Variants in NCALD observed in about 807,000 individuals in gnomAD.
NCALD encodes the protein neurocalcin-delta.
A neutral mutation model predicts 18.6 loss-of-function variants in NCALD; 10 were observed. That is an observed-to-expected ratio of 0.54 (90% CI 0.33 to 0.91). The LOEUF (loss-of-function observed/expected upper bound fraction) is 0.91, where lower values mean the gene tolerates loss of function less well. Ranked by LOEUF, NCALD falls within the 40% of genes least tolerant of loss-of-function variation. The pLI, the probability that NCALD is intolerant of heterozygous loss-of-function variation, is 0.03. For synonymous variants in NCALD, 88 were observed against 87.4 expected, an observed-to-expected ratio of 1.01 and a Z score of -0.04; for missense variants, 184 against 247.6, an observed-to-expected ratio of 0.74 and a Z score of 1.72.
At chr8:101,974,440 C>T (rs1435172138) in intron 2 of NCALD, among the ~76,000 whole-genome samples, 1 of 152,070 alleles carries the variant, frequency 6.6e-6, no homozygotes, top group Non-Finnish European at 1.5e-5. Flanking sequence ...CTGGAGCCAC[C>T]CCATGTGACA....
chr8:102,088,576 C>T (rs1460564889), intron 1 of NCALD, among the ~76,000 whole-genome samples: 2 of 151,434 alleles, frequency 1.3e-5, no homozygotes, highest in Admixed American at 6.6e-5. Context: ...AAAAGAACAA[C>T]CTCTGTTTTC....
At chr8:101,879,326 T>A (rs1333344480) in intron 4 of NCALD, among the ~76,000 whole-genome samples, 1 of 152,168 alleles carries the variant, frequency 6.6e-6, no homozygotes, top group African/African-American at 2.4e-5. Flanking sequence ...TCTGCTGGGT[T>A]CGTGGTCTCA....
chr8:101,946,878 C>T (rs998223056), intron 2 of NCALD, among the ~76,000 whole-genome samples: 3 of 149,550 alleles, frequency 2.0e-5, no homozygotes, highest in Admixed American at 2.0e-4. Context: ...AATTAATGAC[C>T]CAAATAATAG....
At chr8:101,788,778 C>G in intron 1 of NCALD, 1 of 152,188 alleles carries the variant, frequency 6.6e-6, no homozygotes, top group East Asian at 1.9e-4. Context: ...TTCTAGAGTA[C>G]CTCGTTCCTT....
At chr8:101,979,062 C>T (rs1820523967) in intron 2 of NCALD, among the ~76,000 whole-genome samples, 1 of 152,082 alleles carries the variant, frequency 6.6e-6, no homozygotes, top group Non-Finnish European at 1.5e-5. Flanking sequence ...AGCCCACATA[C>T]AAACAGGCAA....
At chr8:101,914,967 C>A (rs1299525865) in intron 3 of NCALD, among the ~76,000 whole-genome samples, 1 of 152,170 alleles carries the variant, frequency 6.6e-6, no homozygotes, top group African/African-American at 2.4e-5. Context: ...AATATGGGAT[C>A]TTGGAATGTC....
chr8:101,927,736 C>CTTGTGGA (rs1645672933), intron 2 of NCALD, among the ~76,000 whole-genome samples: 1 of 152,136 alleles, frequency 6.6e-6, no homozygotes, highest in Non-Finnish European at 1.5e-5. Context: ...TGTGTCTACC[C>CTTGTGGA]AGTGTCCTGT....
chr8:101,937,272 G>A (rs1367888628), intron 2 of NCALD, among the ~76,000 whole-genome samples: 4 of 152,106 alleles, frequency 2.6e-5, no homozygotes, highest in Non-Finnish European at 5.9e-5. Flanking sequence ...TTGTTGTATA[G>A]ATTATTTCAT....
intron 3 of NCALD, among the ~76,000 whole-genome samples, chr8:101,910,234 C>G (rs1298126236): frequency 6.6e-6 from 1 of 152,060 alleles, no homozygotes; most frequent in Non-Finnish European, 1.5e-5. Context: ...TTTGCTGGCC[C>G]CATCTCTGTG....
At chr8:101,762,741 T>C (rs1811167574) in intron 1 of NCALD, among the ~76,000 whole-genome samples, 1 of 152,006 alleles carries the variant, frequency 6.6e-6, no homozygotes, top group Admixed American at 6.6e-5. Context: ...GCCTGGCTAA[T>C]TTTTGTATTT....
At chr8:101,934,317 G>A (rs1170743967) in intron 2 of NCALD, among the ~76,000 whole-genome samples, 1 of 152,104 alleles carries the variant, frequency 6.6e-6, no homozygotes. Flanking sequence ...AGCTAAATGG[G>A]TTTTGAAAAA....
intron 1 of NCALD, among the ~76,000 whole-genome samples, chr8:102,079,029 G>A (rs1456010495): frequency 6.6e-6 from 1 of 152,194 alleles, no homozygotes; most frequent in Admixed American, 6.5e-5. Flanking sequence ...AGTGGAAGAA[G>A]CTGGCTGAGA....
rs951239666 is a variant in NCALD at position 101,804,795 on chromosome 8, T to G, written c.-20+82346A>C. On this transcript the variant is annotated intron_variant, in intron 4 of 6. Coordinates refer to the NCALD transcript ENST00000311028. ...GTATAGTATAAACATAACTTTTATA[T>G]GTACCGAGAAACCAAAACATTTGTG... is the stretch of plus-strand genomic sequence containing the variant. Among the ~76,000 whole-genome samples, 11 of 151,020 alleles carry G rather than the reference T, an allele frequency of 7.3e-5. No homozygotes were observed. The Admixed American group carries it at 7.3e-4, about 10-fold the overall frequency.
intron 1 of NCALD, among the ~76,000 whole-genome samples, chr8:101,721,663 A>C (rs1245749761): frequency 1.3e-5 from 2 of 152,030 alleles, no homozygotes; most frequent in Admixed American, 6.6e-5. Context: ...CATAATACTC[A>C]TGGTTCAGAT....
chr8:102,047,447 G>T (rs976120173), intron 1 of NCALD, among the ~76,000 whole-genome samples: 4 of 152,146 alleles, frequency 2.6e-5, no homozygotes, highest in Non-Finnish European at 5.9e-5. Context: ...TATTTTCACC[G>T]CCTGGTATGG....
At chr8:101,795,983 CAGAA>C (rs1014030299) in intron 4 of NCALD, among the ~76,000 whole-genome samples, 13 of 152,258 alleles carry the variant, frequency 8.5e-5, no homozygotes, top group Admixed American at 3.9e-4. Flanking sequence ...GAGGCTAAAA[CAGAA>C]AGGCAGAGTT....
At chr8:101,902,233 CCT>C (rs1392019870) in intron 3 of NCALD, among the ~76,000 whole-genome samples, 6 of 149,332 alleles carry the variant, frequency 4.0e-5, no homozygotes, top group African/African-American at 1.5e-4. Context: ...CTGATTCTTT[CCT>C]CTGTCCACTC....
chr8:102,075,006 T>C (rs548411281), intron 1 of NCALD, among the ~76,000 whole-genome samples: 7 of 152,232 alleles, frequency 4.6e-5, no homozygotes, highest in African/African-American at 1.7e-4. Context: ...CACAGCTGCA[T>C]CCCAGGCAAA....
intron 4 of NCALD, among the ~76,000 whole-genome samples, chr8:101,821,881 TAAAAAAAA>T (rs370878560): frequency 0.023 from 2,622 of 116,500 alleles, 95 homozygotes; most frequent in African/African-American, 0.083. Context: ...GGGTTCTAAG[TAAAAAAAA>T]AAAAAAAAAA....
Sources: allele counts gnomAD v4.1 joint callset (sites outside exome capture counted in the v4.1 genomes callset), GRCh38; gene constraint gnomAD v4.1.1; transcripts MANE v1.5; gene names NCBI Gene and HGNC (gene_info 2026-07-23, HGNC 2026-07-21).